Variants in HRH1 observed in about 807,000 individuals in gnomAD.
HRH1 encodes histamine receptor H1, also known as histamine H1 receptor.
Under a neutral mutation model 10.3 loss-of-function variants are expected in HRH1, and 6 were observed. The observed-to-expected ratio is 0.58, with a 90% CI of 0.32 to 1.15. HRH1 has a LOEUF of 1.15. Among genes scored for constraint, HRH1 ranks in the 50% most tolerant of loss-of-function variants. The probability of loss-of-function intolerance (pLI) is 0.05; values close to 1 mark genes in which losing one functional copy is unlikely to be tolerated. For missense variants in HRH1, 514 were observed against 615.3 expected (o/e 0.84, Z 1.74); for synonymous variants, 242 against 236.7 (o/e 1.02, Z -0.21).
chr3:11,249,245 T>TA (rs922417518), intron 1 of HRH1, among the ~76,000 whole-genome samples: 5 of 150,284 alleles, frequency 3.3e-5, no homozygotes, highest in African/African-American at 4.9e-5. Flanking sequence ...AAATAAAAAA[T>TA]AAAAAAAATT....
intron 1 of HRH1, among the ~76,000 whole-genome samples, chr3:11,192,845 T>C (rs1207867055): frequency 6.6e-6 from 1 of 152,184 alleles, no homozygotes; most frequent in African/African-American, 2.4e-5. Flanking sequence ...TATAGTTCTC[T>C]GTCCCTTCAT....
chr3:11,259,843 G>T lies in HRH1; in HGVS notation c.806G>T (p.Gly269Val), dbSNP rs1939893165. The T allele has an allele frequency of 1.2e-6, 2 of 1,613,996 alleles. No homozygotes were observed. Among genetic ancestry groups the T allele is most frequent in the Non-Finnish European group, 8.5e-7 (1 of 1,180,026 alleles). Reference sequence around the variant, plus strand: ...AAAAGGAAGCCAAAAGATGCTGGTGGTGGATCTGTCTTGAAGTCACCATCC... The same window carrying T: ...AAAAGGAAGCCAAAAGATGCTGGTGTTGGATCTGTCTTGAAGTCACCATCC... ...VLKRKPKDAG[G>V]GSVLKSPSQT... Residue 269 changes from glycine (G) to valine (V), a missense_variant, in exon 2 of 2, where the codon GGT (glycine) becomes GTT (valine). Gly to Val is a moderately radical substitution (Grantham distance 109). Transcript: ENST00000431010. The surrounding 1 kb of genome is among the most constrained non-coding windows in gnomAD (Gnocchi z 4.6).
chr3:11,213,605 G>C (rs1264060279), intron 1 of HRH1, among the ~76,000 whole-genome samples: 1 of 152,196 alleles, frequency 6.6e-6, no homozygotes, highest in East Asian at 1.9e-4. Flanking sequence ...TGGAAGAGGT[G>C]GAAGGGACAA....
At chr3:11,223,751 G>C (rs1376572358) in intron 1 of HRH1, among the ~76,000 whole-genome samples, 3 of 152,210 alleles carry the variant, frequency 2.0e-5, no homozygotes, top group African/African-American at 7.2e-5. Flanking sequence ...AAAGGGAAAT[G>C]TTTGAAAAAT....
Position 11,259,802 on chromosome 3 carries a change from T to A in HRH1, c.765T>A (p.Ser255=), listed in dbSNP as rs772235498. 14 of 1,613,874 alleles carry A rather than the reference T, an allele frequency of 8.7e-6. No individual in the cohort carries two copies. The highest frequency in any genetic ancestry group is 1.2e-5 in the Non-Finnish European group (14 of 1,179,954). The change falls in exon 2 of 2, where the codon TCT becomes TCA. Residue 255 remains serine, a synonymous_variant. Transcript: ENST00000431010. The surrounding 1 kb of genome is among the most constrained non-coding windows in gnomAD (Gnocchi z 4.6). ...KGDAKKPGKE[S]PWEVLKRKPK... ...ATGCCAAGAAACCAGGGAAGGAGTC[T>A]CCCTGGGAGGTTCTGAAAAGGAAGC...
At chr3:11,250,125 C>T (rs1381319240) in intron 1 of HRH1, among the ~76,000 whole-genome samples, 6 of 140,280 alleles carry the variant, frequency 4.3e-5, no homozygotes, top group African/African-American at 1.6e-4. Flanking sequence ...TCACTGCAGG[C>T]TCCGACTCCC....
chr3:11,227,377 C>G (rs948904149), intron 1 of HRH1, among the ~76,000 whole-genome samples: 1 of 151,888 alleles, frequency 6.6e-6, no homozygotes, highest in African/African-American at 2.4e-5. Flanking sequence ...GCCTCCGCCT[C>G]CCTGGTTCAA....
At chr3:11,249,198 C>G (rs570963320) in intron 1 of HRH1, among the ~76,000 whole-genome samples, 6 of 151,986 alleles carry the variant, frequency 3.9e-5, no homozygotes, top group African/African-American at 9.6e-5. Flanking sequence ...AGATCCAGAC[C>G]ATCCTGGATA....
intron 1 of HRH1, among the ~76,000 whole-genome samples, chr3:11,217,500 G>A (rs1938551412): frequency 6.6e-6 from 1 of 152,192 alleles, no homozygotes; most frequent in African/African-American, 2.4e-5. Context: ...TTGCACTCCA[G>A]CTTGGGTGAC....
chr3:11,165,561 T>C (rs544500303), intron 1 of HRH1, among the ~76,000 whole-genome samples: 4 of 152,222 alleles, frequency 2.6e-5, no homozygotes, highest in African/African-American at 9.6e-5. Context: ...AGCACAAACT[T>C]TGAGGAAGTT....
intron 1 of HRH1, among the ~76,000 whole-genome samples, chr3:11,188,175 CAA>C (rs1432124229): frequency 6.6e-6 from 1 of 152,048 alleles, no homozygotes; most frequent in Non-Finnish European, 1.5e-5. Context: ...TTTTAATTGA[CAA>C]TATCTAGCAT....
chr3:11,177,342 A>G, intron 1 of HRH1, among the ~76,000 whole-genome samples: 1 of 152,200 alleles, frequency 6.6e-6, no homozygotes, highest in East Asian at 1.9e-4. Flanking sequence ...AGCATCATGC[A>G]GTGTCCAGCG....
intron 1 of HRH1, among the ~76,000 whole-genome samples, chr3:11,202,863 C>T (rs1575008084): frequency 1.3e-5 from 2 of 152,124 alleles, no homozygotes; most frequent in Admixed American, 6.6e-5. Flanking sequence ...ATTCTAATAC[C>T]GTGCATTTTT....
intron 1 of HRH1, among the ~76,000 whole-genome samples, chr3:11,250,191 G>A (rs1939608471): frequency 6.8e-6 from 1 of 147,652 alleles, no homozygotes; most frequent in Admixed American, 6.7e-5. Flanking sequence ...TATAGGCGCC[G>A]CCACCACACC....
At chr3:11,198,498 G>C (rs1256930356) in intron 1 of HRH1, among the ~76,000 whole-genome samples, 4 of 152,104 alleles carry the variant, frequency 2.6e-5, no homozygotes, top group Non-Finnish European at 4.4e-5. Context: ...GTTTTTGCCT[G>C]GTTTCTGGAT....
chr3:11,192,681 GA>G (rs1406747990), intron 1 of HRH1, among the ~76,000 whole-genome samples: 3 of 152,178 alleles, frequency 2.0e-5, no homozygotes, highest in African/African-American at 7.2e-5. Flanking sequence ...AGGTGTTTGA[GA>G]CCAGCCTGGG....
At chr3:11,206,770 G>A (rs1017488932) in intron 1 of HRH1, among the ~76,000 whole-genome samples, 2 of 152,226 alleles carry the variant, frequency 1.3e-5, no homozygotes, top group African/African-American at 4.8e-5. Context: ...AACCTCTTCT[G>A]TAGTTCCCAG....
intron 1 of HRH1, among the ~76,000 whole-genome samples, chr3:11,201,485 A>G (rs762472745): frequency 6.6e-6 from 1 of 152,160 alleles, no homozygotes; most frequent in Non-Finnish European, 1.5e-5. Context: ...GCAGAGAAAG[A>G]CATGAGGGAG....
chr3:11,145,195 C>G (rs1308516987), intron 1 of HRH1, among the ~76,000 whole-genome samples: 1 of 152,130 alleles, frequency 6.6e-6, no homozygotes, highest in Non-Finnish European at 1.5e-5. Context: ...TGCGGGGCCT[C>G]CCTTGGGCCT....
Sources: gnomAD v4.1 joint callset for allele counts (sites outside exome capture counted in the v4.1 genomes callset) on GRCh38, gnomAD v4.1.1 for gene constraint, Gnocchi (gnomAD v3.1) non-coding constraint, MANE v1.5 for transcripts, NCBI Gene and HGNC (gene_info 2026-07-23, HGNC 2026-07-21) for gene names.